Variants in C3 observed in about 807,000 individuals in gnomAD.
C3 encodes C3 and PZP-like alpha-2-macroglobulin domain-containing protein 1.
In C3, 97 loss-of-function variants were observed where a neutral mutation model predicts 207.9. The ratio of observed to expected loss-of-function variants is 0.47; its 90% CI spans 0.40 to 0.55. The LOEUF (loss-of-function observed/expected upper bound fraction) is 0.55, where lower values mean the gene tolerates loss of function less well. C3 is among the 20% of genes least tolerant of loss of function. C3 has a pLI of 0.00. For missense variants in C3, 1,684 were observed against 2,171.7 expected (o/e 0.78, Z 4.46); for synonymous variants, 848 against 857.6 (o/e 0.99, Z 0.20).
At chr19:6,700,907 C>T (rs1409320075) in intron 19 of C3, among the ~76,000 whole-genome samples, 3 of 149,394 alleles carry the variant, frequency 2.0e-5, no homozygotes, top group East Asian at 1.9e-4. Flanking sequence ...GCTGGATGAC[C>T]GAGTGAGACT....
chr19:6,701,740 G>T (rs1157409749), intron 19 of C3, among the ~76,000 whole-genome samples: 1 of 152,144 alleles, frequency 6.6e-6, no homozygotes, highest in Admixed American at 6.5e-5. Flanking sequence ...GACCAGGCTG[G>T]TCTTGAACTC....
rs1298120518 is a variant in C3 at position 6,697,216 on chromosome 19, C to T, written c.2796+128G>A. 3 of 772,172 alleles carry T rather than the reference C, an allele frequency of 3.9e-6. No homozygotes were observed. In the African/African-American group the frequency reaches 5.2e-5, roughly 13 times the overall value. The allele number at this position is 772,172 out of a possible 1,614,324, so 47.8% of individuals were successfully genotyped here. On this transcript the variant is annotated intron_variant, in intron 21 of 40. Transcript: ENST00000245907. Reference sequence around the variant, plus strand: ...TCTGCTTCTGAAATTCTGGGACTTCCAAATTTCCTAAGCTGGACACTATGA... The same window carrying T: ...TCTGCTTCTGAAATTCTGGGACTTCTAAATTTCCTAAGCTGGACACTATGA...
rs1418374240 is a variant in C3, at chr19:6,696,633, A to G, written c.2823T>C (p.Thr941=). 9.9e-6 allele frequency: 16 copies of G among 1,613,924 alleles called. No individual in the cohort carries two copies. The highest frequency in any genetic ancestry group is 4.0e-5 in the African/African-American group (3 of 74,884). Reference sequence around the variant, plus strand: ...CTGGATCCAGGGTGCGAACAGCCACAGTTTTGTTCATTCTGATTCCTTCCG... The same window carrying G: ...CTGGATCCAGGGTGCGAACAGCCACGGTTTTGTTCATTCTGATTCCTTCCG... ...VVPEGIRMNK[T]VAVRTLDPER... is the part of the protein sequence containing the mutation. The change falls in exon 22 of 41, where the codon ACT becomes ACC. Residue 941 remains threonine, a synonymous_variant. Transcript: ENST00000245907.
rs561580019 is a variant in C3, at chr19:6,716,158, C to T, written c.505-1712G>A. 5.9e-5 allele frequency among the ~76,000 whole-genome samples: 9 copies of T among 152,226 alleles called. No individual in the cohort carries two copies. In the South Asian group the frequency reaches 1.2e-3, roughly 21 times the overall value. ...CAGGCTGGTCTTGAACTCTTGGCCT[C>T]GAGCAGTCTTCCCACCTCTGCCTCC... On this transcript the variant is annotated intron_variant, in intron 4 of 40. Coordinates refer to ENST00000245907, the MANE Select transcript of C3 (RefSeq NM_000064.4).
At position 6,719,667 on chromosome 19, in the gene C3, C is replaced by G. The variant is rs1412686301; in HGVS notation, c.75-264G>C. On this transcript the variant is annotated intron_variant, in intron 1 of 40. Coordinates refer to ENST00000245907, the MANE Select transcript of C3 (RefSeq NM_000064.4). The surrounding 1 kb of genome is among the most constrained non-coding windows in gnomAD (Gnocchi z 5.4). Reference sequence around the variant, plus strand: ...GAAAGCCTGGGCAACGAGGGGGCCACACATCCCACCAAACCCTGAACCTTC... The same window carrying G: ...GAAAGCCTGGGCAACGAGGGGGCCAGACATCCCACCAAACCCTGAACCTTC... 6.6e-6 allele frequency among the ~76,000 whole-genome samples: 1 copy of G among 152,096 alleles called. No individual in the cohort carries two copies. Among genetic ancestry groups the G allele is most frequent in the Non-Finnish European group, 1.5e-5 (1 of 68,010 alleles).
At chr19:6,706,073 A>G (rs891752840) in intron 17 of C3, among the ~76,000 whole-genome samples, 5 of 152,254 alleles carry the variant, frequency 3.3e-5, no homozygotes, top group Non-Finnish European at 7.3e-5. Flanking sequence ...GAATGCATGC[A>G]TGAATGAAGA....
chr19:6,712,645 G>A, intron 9 of C3, 22 bp from the exon 10 acceptor site: 4 of 1,597,112 alleles, frequency 2.5e-6, no homozygotes, highest in Non-Finnish European at 3.4e-6. Flanking sequence ...AGCTGTGAGT[G>A]TAGGCTTCTG....
At chr19:6,699,529 G>T (rs1967602894) in intron 19 of C3, among the ~76,000 whole-genome samples, 1 of 152,096 alleles carries the variant, frequency 6.6e-6, no homozygotes, top group South Asian at 2.1e-4. Context: ...CTTGAGGCCA[G>T]GAGTTTGAGA....
rs576135872 is a variant in C3, at chr19:6,720,569, G to T, written c.21C>A (p.Pro7=). The T allele has an allele frequency of 1.3e-5, 21 of 1,585,876 alleles. No homozygotes were observed. Among genetic ancestry groups the T allele is most frequent in the African/African-American group, 1.1e-4 (8 of 74,628 alleles). The part of the protein sequence containing the change: MGPTSG[P]SLLLLLLTHL... ...GGGTTAGTAGCAGGAGCAGCAGGCT[G>T]GGACCTGAGGTGGGTCCCATGGTGC... Residue 7 remains proline, a synonymous_variant, in exon 1 of 41, where the codon CCC becomes CCA. Coordinates refer to ENST00000245907, the MANE Select transcript of C3 (RefSeq NM_000064.4).
chr19:6,714,175 T>G lies in C3; in HGVS notation c.673A>C (p.Lys225Gln). ...CCCCTCCTCCTCTTACCGTACTCCT[T>G]CACCTCAAACTCAGTGGAGAAGACC... Reference protein sequence around the residue: ...QQVFSTEFEVKEYVLPSFEVI... With the variant: ...QQVFSTEFEVQEYVLPSFEVI... Residue 225 changes from lysine (K) to glutamine (Q), a missense_variant, in exon 6 of 41, where the codon AAG becomes CAG. Lys to Gln is a moderately conservative substitution (Grantham distance 53). Around this residue, in one of 3 missense-constraint regions of C3, gnomAD observed 1,280 missense variants for 1,739.1 expected, o/e 0.74. Coordinates refer to ENST00000245907, the MANE Select transcript of C3 (RefSeq NM_000064.4). The G allele has an allele frequency of 6.2e-7, 1 of 1,613,588 alleles. No homozygotes were observed. The highest frequency in any genetic ancestry group is 8.5e-7 in the Non-Finnish European group (1 of 1,179,894).
At chr19:6,705,340 CTT>C (rs543404742) in intron 17 of C3, among the ~76,000 whole-genome samples, 20 of 144,076 alleles carry the variant, frequency 1.4e-4, no homozygotes, top group African/African-American at 5.1e-4. Flanking sequence ...TTTTCTCTCT[CTT>C]TTTTTTTTTT....
chr19:6,718,027 C>T, intron 4 of C3, 67 bp downstream of exon 4: 2 of 1,479,464 alleles, frequency 1.4e-6, no homozygotes, highest in Middle Eastern at 1.9e-4. Flanking sequence ...TTCTCTGTCT[C>T]TCTCGATCTC....
In C3 at chr19:6,696,400, C is replaced by T. The variant is rs1174683172; in HGVS notation, c.2929G>A (p.Glu977Lys). 3 of 1,612,826 alleles carry T rather than the reference C, an allele frequency of 1.9e-6. No individual in the cohort carries two copies. Among genetic ancestry groups the T allele is most frequent in the African/African-American group, 2.7e-5 (2 of 74,868 alleles). The change falls in exon 23 of 41, where the codon GAG becomes AAG. Residue 977 changes from glutamate (E) to lysine (K), a missense_variant. Coordinates refer to ENST00000245907, the MANE Select transcript of C3 (RefSeq NM_000064.4). ...TCACCTTGCAGGAGAATTCTGGTCT[C>T]AGACTCGGTGTCCGGGACTTGGTCA... ...LSDQVPDTES[E>K]TRILLQGTPV...
At chr19:6,698,999 T>C (rs1456059294) in intron 19 of C3, among the ~76,000 whole-genome samples, 1 of 152,028 alleles carries the variant, frequency 6.6e-6, no homozygotes, top group African/African-American at 2.4e-5. Context: ...TTTCACCATG[T>C]TGGCCAGGCT....
Position 6,719,681 on chromosome 19 carries a change from C to T in C3, c.75-278G>A, listed in dbSNP as rs1177081902. Reference sequence around the variant, plus strand: ...CGAGGGGGCCACACATCCCACCAAACCCTGAACCTTCCAACCAGCGTCAGC... The same window carrying T: ...CGAGGGGGCCACACATCCCACCAAATCCTGAACCTTCCAACCAGCGTCAGC... On this transcript the variant is annotated intron_variant, in intron 1 of 40. Coordinates refer to ENST00000245907, the MANE Select transcript of C3 (RefSeq NM_000064.4). The surrounding 1 kb of genome is among the most constrained non-coding windows in gnomAD (Gnocchi z 5.4). Among the ~76,000 whole-genome samples, 1 of 152,160 alleles carries T rather than the reference C, an allele frequency of 6.6e-6. No individual in the cohort carries two copies. The highest frequency in any genetic ancestry group is 2.4e-5 in the African/African-American group (1 of 41,422).
In C3 at chr19:6,714,069, G is replaced by A. The variant is rs753744978; in HGVS notation, c.696C>T (p.Phe232=). The A allele has an allele frequency of 6.2e-6, 10 of 1,612,274 alleles. No individual in the cohort carries two copies. The African/African-American group carries it at 6.7e-5, about 11-fold the overall frequency. The change falls in exon 7 of 41, where the codon TTC becomes TTT. Residue 232 remains phenylalanine (F), a synonymous_variant. Transcript: ENST00000245907. The stretch of plus-strand genomic sequence containing the variant: ...TCTCTGTAGGCTCCACTATGACCTC[G>A]AAACTGGGCAGCACTGGGGGAGAGA... The part of the protein sequence containing the change: ...FEVKEYVLPS[F]EVIVEPTEKF...
At chr19:6,687,224 AG>A (rs10715405) in intron 27 of C3, among the ~76,000 whole-genome samples, 152,222 of 152,222 alleles carry the variant, frequency 1, 76,111 homozygotes, top group Non-Finnish European at 1. Context: ...TACTCCCACC[AG>A]GGGCCAATTT....
In C3 at chr19:6,718,598, T is replaced by C. The variant is rs187003395; in HGVS notation, c.268-186A>G. Among the ~76,000 whole-genome samples, 77 of 145,850 alleles carry C rather than the reference T, an allele frequency of 5.3e-4. 1 individual carries two copies. In the East Asian group the frequency reaches 0.015, roughly 28 times the overall value. On this transcript the variant is annotated intron_variant, in intron 2 of 40. Coordinates refer to ENST00000245907, the MANE Select transcript of C3 (RefSeq NM_000064.4). Reference sequence around the variant, plus strand: ...GGAGAGGGGGGACCAGGGAGGGAACTCAAAAAGAAGAGCTCACAAGGAGGA... The same window carrying C: ...GGAGAGGGGGGACCAGGGAGGGAACCCAAAAAGAAGAGCTCACAAGGAGGA...
chr19:6,684,978 G>T lies in C3; in HGVS notation c.3969+10C>A. 6.2e-7 allele frequency: 1 copy of T among 1,613,494 alleles called. No individual in the cohort carries two copies. Among genetic ancestry groups the T allele is most frequent in the Non-Finnish European group, 8.5e-7 (1 of 1,180,020 alleles). On this transcript the variant is annotated intron_variant, in intron 30 of 40. Coordinates refer to ENST00000245907, the MANE Select transcript of C3 (RefSeq NM_000064.4). ...GCCAGAGTGAGGAGGGCTTGGCTGGGTGACTGTACCTCTTCTGATCGCAGG... is the reference window on the plus strand; with the variant it reads ...GCCAGAGTGAGGAGGGCTTGGCTGGTTGACTGTACCTCTTCTGATCGCAGG...
Sources: allele counts gnomAD v4.1 joint callset (sites outside exome capture counted in the v4.1 genomes callset), GRCh38; gene constraint gnomAD v4.1.1; regional missense constraint gnomAD v4.1.1; non-coding constraint Gnocchi (gnomAD v3.1); transcripts MANE v1.5; gene names NCBI Gene and HGNC (gene_info 2026-07-23, HGNC 2026-07-21).